ZFP69B: variants seen among roughly 807,000 people sequenced by gnomAD.
ZFP69B encodes zinc finger protein 69 homolog B.
A neutral mutation model predicts 19.7 loss-of-function variants in ZFP69B; 20 were observed. That is an observed-to-expected ratio of 1.02 (90% CI 0.71 to 1.48). ZFP69B has a LOEUF of 1.48. Among genes scored for constraint, ZFP69B ranks in the 40% most tolerant of loss-of-function variants. ZFP69B has a pLI of 0.00. For synonymous variants in ZFP69B, 220 were observed against 222.7 expected (o/e 0.99, Z 0.11); for missense variants, 583 against 632.6 (o/e 0.92, Z 0.84).
rs139213019 is a variant in ZFP69B at position 40,463,405 on chromosome 1, C to G, written c.1421C>G (p.Pro474Arg). The G allele has an allele frequency of 4.4e-3, 7,145 of 1,614,024 alleles. 18 individuals carry two copies. The highest frequency in any genetic ancestry group is 4.9e-3 in the Non-Finnish European group (5,830 of 1,179,956). The change falls in exon 5 of 5, where the codon CCT becomes CGT. Residue 474 changes from proline (P) to arginine (R), a missense_variant. Coordinates refer to ENST00000361584, the MANE Select transcript of ZFP69B (RefSeq NM_023070.3). ...IHQRVHTGVK[P>R]YECSHCGKAF... The stretch of plus-strand genomic sequence containing the variant: ...CAGAGAGTCCATACTGGAGTAAAAC[C>G]TTATGAATGCAGTCATTGTGGGAAA...
Position 40,457,270 on chromosome 1 carries a change from C to T in ZFP69B, c.341-74C>T, listed in dbSNP as rs150248718. Reference sequence around the variant, plus strand: ...TGCTTTCTTTAGAAGGCCCGAATACCAAAGAACCATATTTAAATTCTTGGG... The same window carrying T: ...TGCTTTCTTTAGAAGGCCCGAATACTAAAGAACCATATTTAAATTCTTGGG... On this transcript the variant is annotated intron_variant, in intron 3 of 4. Transcript: ENST00000361584. The T allele has an allele frequency of 2.7e-4, 411 of 1,550,354 alleles. No homozygotes were observed. In the African/African-American group the frequency reaches 5.0e-3, roughly 19 times the overall value.
chr1:40,456,185 C>A (rs980469492), intron 2 of ZFP69B, among the ~76,000 whole-genome samples: 1 of 152,132 alleles, frequency 6.6e-6, no homozygotes, highest in Admixed American at 6.5e-5. Context: ...TCGCCAGACT[C>A]TCTTCCACAA....
intron 2 of ZFP69B, 107 bp from the exon 3 acceptor site, chr1:40,456,838 A>G: frequency 1.4e-6 from 2 of 1,405,504 alleles, no homozygotes; most frequent in Non-Finnish European, 2.0e-6. Context: ...TTAAATGATT[A>G]GCAAGACAGT....
intron 3 of ZFP69B, 74 bp from the exon 4 acceptor site, chr1:40,457,270 C>G: frequency 1.9e-6 from 3 of 1,550,356 alleles, no homozygotes; most frequent in Non-Finnish European, 2.7e-6. Flanking sequence ...GCCCGAATAC[C>G]AAAGAACCAT....
chr1:40,452,598 A>G (rs972610625), intron 1 of ZFP69B, among the ~76,000 whole-genome samples: 8 of 152,238 alleles, frequency 5.3e-5, no homozygotes, highest in African/African-American at 1.9e-4. Flanking sequence ...AGAGGTAACA[A>G]CCACTTTGAA....
At chr1:40,452,973 TGG>T (rs1645199365) in intron 1 of ZFP69B, among the ~76,000 whole-genome samples, 2 of 121,940 alleles carry the variant, frequency 1.6e-5, no homozygotes, top group African/African-American at 7.0e-5. Context: ...TAATTCCTAG[TGG>T]TTTTTTTTTT....
chr1:40,458,847 A>G (rs1645257652), intron 4 of ZFP69B, among the ~76,000 whole-genome samples: 1 of 152,178 alleles, frequency 6.6e-6, no homozygotes, highest in Non-Finnish European at 1.5e-5. Flanking sequence ...GTCGCTGGAC[A>G]GTTCCTCTTC....
Position 40,456,087 on chromosome 1 carries a change from A to G in ZFP69B, c.214-858A>G, listed in dbSNP as rs189335357. ...AACATACGTGTGCCTGTGTCTTTATAATAGAATGATTTATAATCCTTTGGG... is the reference window on the plus strand; with the variant it reads ...AACATACGTGTGCCTGTGTCTTTATGATAGAATGATTTATAATCCTTTGGG... On this transcript the variant is annotated intron_variant, in intron 2 of 4. Transcript: ENST00000361584. 1.2e-4 allele frequency among the ~76,000 whole-genome samples: 19 copies of G among 152,264 alleles called. No homozygotes were observed. The East Asian group carries it at 3.5e-3, about 28-fold the overall frequency.
intron 4 of ZFP69B, among the ~76,000 whole-genome samples, chr1:40,460,692 A>C (rs750969118): frequency 4.0e-5 from 6 of 151,580 alleles, no homozygotes; most frequent in Non-Finnish European, 7.4e-5. Flanking sequence ...TAAAAATACA[A>C]AAATTAGCAG....
rs1161525167 is a variant in ZFP69B, at chr1:40,462,067, TTTG to T, written c.437-351_437-349del. On this transcript the variant is annotated intron_variant, in intron 4 of 4. Transcript: ENST00000361584. ...CACACCACCATGCCTGGTTTTTTTG[TTTG>T]TTTGTTTGTTTGTTTGTTTGTTTTG... 2.3e-4 allele frequency among the ~76,000 whole-genome samples: 25 copies of T among 108,320 alleles called. No individual in the cohort carries two copies. In the East Asian group the frequency reaches 7.3e-3, roughly 32 times the overall value. 71.1% of individuals were successfully genotyped at this position (108,320 alleles called of 152,430 possible).
chr1:40,451,653 T>TGGGG (rs371723102), intron 1 of ZFP69B, among the ~76,000 whole-genome samples: 16 of 111,066 alleles, frequency 1.4e-4, no homozygotes, highest in Non-Finnish European at 2.1e-4. Context: ...GAGAAAGACG[T>TGGGG]GGGGGGGGGG....
At chr1:40,461,444 T>G (rs950648355) in intron 4 of ZFP69B, among the ~76,000 whole-genome samples, 2 of 152,120 alleles carry the variant, frequency 1.3e-5, no homozygotes, top group Non-Finnish European at 2.9e-5. Context: ...ACTTTTTTTT[T>G]GGAAATAAAG....
chr1:40,455,258 A>G (rs1253120875), intron 2 of ZFP69B, among the ~76,000 whole-genome samples: 1 of 152,222 alleles, frequency 6.6e-6, no homozygotes, highest in East Asian at 1.9e-4. Flanking sequence ...CCCCAGAGGC[A>G]TAGGGAAACT....
chr1:40,462,424 T>C lies in ZFP69B; in HGVS notation c.440T>C (p.Leu147Ser), dbSNP rs747894845. Residue 147 changes from leucine to serine, a missense_variant, in exon 5 of 5, where the codon TTG (leucine) becomes TCG (serine). Transcript: ENST00000361584. ...TTTTTTTTATTATTTCTTTCAGACT[T>C]GAAGAGCAAAACAAAAACCAAAGAG... Reference protein sequence around the residue: ...RDISGVPSSDLKSKTKTKESA... With the variant: ...RDISGVPSSDSKSKTKTKESA... 6.3e-7 allele frequency: 1 copy of C among 1,578,562 alleles called. No homozygotes were observed.
At chr1:40,455,181 T>A (rs1645221672) in intron 2 of ZFP69B, among the ~76,000 whole-genome samples, 1 of 152,192 alleles carries the variant, frequency 6.6e-6, no homozygotes, top group Admixed American at 6.5e-5. Flanking sequence ...AGTTTAACAG[T>A]GTGCCGTGTG....
chr1:40,453,433 T>C (rs1479963311), intron 1 of ZFP69B, among the ~76,000 whole-genome samples: 2 of 150,922 alleles, frequency 1.3e-5, no homozygotes, highest in African/African-American at 2.4e-5. Flanking sequence ...AAAAGCAACC[T>C]GAGATAGATA....
At chr1:40,456,612 C>T (rs182511904) in intron 2 of ZFP69B, among the ~76,000 whole-genome samples, 2 of 152,334 alleles carry the variant, frequency 1.3e-5, no homozygotes, top group African/African-American at 4.8e-5. Context: ...CCTGTCTTCT[C>T]TTGTGGCCTT....
At chr1:40,457,471 GTTAGCCA>G in intron 4 of ZFP69B, 32 bp downstream of exon 4, 2 of 1,588,088 alleles carry the variant, frequency 1.3e-6, no homozygotes, top group South Asian at 1.1e-5. Flanking sequence ...CCTTTGTGAT[GTTAGCCA>G]GAGAATTCCC....
chr1:40,458,403 A>G (rs1010027877), intron 4 of ZFP69B, among the ~76,000 whole-genome samples: 1 of 152,196 alleles, frequency 6.6e-6, no homozygotes, highest in Non-Finnish European at 1.5e-5. Context: ...GGATAGGCTA[A>G]ACTACTGTAA....
Sources: gnomAD v4.1 joint callset for allele counts (sites outside exome capture counted in the v4.1 genomes callset) on GRCh38, gnomAD v4.1.1 for gene constraint, MANE v1.5 for transcripts, NCBI Gene and HGNC (gene_info 2026-07-23, HGNC 2026-07-21) for gene names.